Variants in ZNF362 observed in about 807,000 individuals in gnomAD.
ZNF362 encodes the protein rotund homolog.
ZNF362 carries 11 observed loss-of-function variants against 42.9 expected under a neutral mutation model. That is an observed-to-expected ratio of 0.26 (90% CI 0.16 to 0.42). The LOEUF (loss-of-function observed/expected upper bound fraction) is 0.42, where lower values mean the gene tolerates loss of function less well. Among genes scored for constraint, ZNF362 ranks in the 20% least tolerant of loss-of-function variants. The pLI, the probability that ZNF362 is intolerant of heterozygous loss-of-function variation, is 1.00. For synonymous variants in ZNF362, 255 were observed against 257.3 expected (o/e 0.99, Z 0.09); for missense variants, 362 against 576.2 (o/e 0.63, Z 3.81).
Position 33,270,491 on chromosome 1 carries a change from T to C in ZNF362, c.-84T>C. On this transcript the variant is annotated 5_prime_UTR_variant, in exon 2 of 9. Transcript: ENST00000539719. ...ATTGTTATTCCCATATACAAGGTGC[T>C]GTTGGGAACACAGAGGAAGTGACTG... 1 of 749,042 alleles carries C rather than the reference T, an allele frequency of 1.3e-6. No homozygotes were observed. The highest frequency in any genetic ancestry group is 2.4e-6 in the Non-Finnish European group (1 of 416,662). 46.4% of individuals were successfully genotyped at this position (749,042 alleles called of 1,614,324 possible). A position where few individuals can be genotyped will look rare whatever the true frequency, so the allele number is the denominator to read the frequency against.
At chr1:33,208,546 T>G in the ZNF362 span, among the ~76,000 whole-genome samples, 1 of 152,208 alleles carries the variant, frequency 6.6e-6, no homozygotes, top group Non-Finnish European at 1.5e-5. Flanking sequence ...ACGATATTGA[T>G]TTTTCCTATC....
At chr1:33,148,270 G>A in the ZNF362 span, among the ~76,000 whole-genome samples, 3 of 152,172 alleles carry the variant, frequency 2.0e-5, no homozygotes, top group Admixed American at 6.5e-5. Flanking sequence ...AGACATTCAT[G>A]TGGATGAAAA....
At chr1:33,237,441 T>C in the ZNF362 span, among the ~76,000 whole-genome samples, 4 of 152,190 alleles carry the variant, frequency 2.6e-5, no homozygotes, top group African/African-American at 2.4e-5. Flanking sequence ...TTCCCTACGC[T>C]GACCTTCTCC....
the ZNF362 span, among the ~76,000 whole-genome samples, chr1:33,233,045 G>C: frequency 2.0e-5 from 3 of 152,166 alleles, no homozygotes; most frequent in Non-Finnish European, 4.4e-5. Context: ...GCTTGTCCAG[G>C]GTCACGCACT....
chr1:33,254,830 A>C (rs935011616), upstream of ZNF362, among the ~76,000 whole-genome samples: 2 of 152,076 alleles, frequency 1.3e-5, no homozygotes, highest in African/African-American at 4.8e-5. Flanking sequence ...TACATAAATT[A>C]TTTGGAATTC....
the ZNF362 span, among the ~76,000 whole-genome samples, chr1:33,235,719 G>A: frequency 5.3e-5 from 8 of 152,282 alleles, no homozygotes; most frequent in African/African-American, 1.9e-4. Flanking sequence ...TTACTAAGAG[G>A]AAACATCAGA....
the ZNF362 span, among the ~76,000 whole-genome samples, chr1:33,156,563 C>T: frequency 6.6e-6 from 1 of 152,202 alleles, no homozygotes; most frequent in Non-Finnish European, 1.5e-5. Flanking sequence ...GGGTCCCCCT[C>T]TTGTCCCTGA....
chr1:33,245,996 A>T, the ZNF362 span, among the ~76,000 whole-genome samples: 1 of 152,100 alleles, frequency 6.6e-6, no homozygotes, highest in Non-Finnish European at 1.5e-5. Flanking sequence ...AAAGGCAAAG[A>T]TCAGAGTTAT....
the ZNF362 span, chr1:33,147,204 C>A: frequency 1.9e-6 from 3 of 1,613,740 alleles, no homozygotes; most frequent in South Asian, 2.2e-5. This position sits in a 1 kb window ranked among gnomAD's most constrained non-coding sequence, Gnocchi z 8.1. Context: ...TGATCCGCAG[C>A]GGCTGAACGT....
chr1:33,266,156 G>A lies in ZNF362; in HGVS notation c.-88-4331G>A, dbSNP rs1645863530. 6.6e-6 allele frequency among the ~76,000 whole-genome samples: 1 copy of A among 152,192 alleles called. No individual in the cohort carries two copies. The highest frequency in any genetic ancestry group is 2.1e-4 in the South Asian group (1 of 4,832). ...CAGTAGCTGTTGCCCCTCTCTGGGG[G>A]CAGGGATTATGTTTGAGAAACCTTT... On this transcript the variant is annotated intron_variant, in intron 1 of 8. Transcript: ENST00000539719. The surrounding 1 kb of genome is among the most constrained non-coding windows in gnomAD (Gnocchi z 4.3).
chr1:33,184,216 T>G, the ZNF362 span, among the ~76,000 whole-genome samples: 2 of 152,196 alleles, frequency 1.3e-5, no homozygotes, highest in Non-Finnish European at 2.9e-5. Flanking sequence ...TCAGGCACAG[T>G]AGGGCTTGCT....
the ZNF362 span, among the ~76,000 whole-genome samples, chr1:33,187,386 A>G: frequency 6.6e-6 from 1 of 152,184 alleles, no homozygotes; most frequent in African/African-American, 2.4e-5. Context: ...ACTTGCATTC[A>G]TATTAAGTTT....
At chr1:33,214,515 A>G in the ZNF362 span, among the ~76,000 whole-genome samples, 2 of 152,230 alleles carry the variant, frequency 1.3e-5, no homozygotes, top group African/African-American at 4.8e-5. Context: ...CCAGCTAAAA[A>G]TCTTCTGCAC....
chr1:33,220,184 A>G, the ZNF362 span, among the ~76,000 whole-genome samples: 1 of 151,296 alleles, frequency 6.6e-6, no homozygotes, highest in Non-Finnish European at 1.5e-5. Context: ...AGGTCACAGG[A>G]CTCTGCAGTG....
chr1:33,284,100 T>G (rs1216503968), intron 6 of ZNF362, among the ~76,000 whole-genome samples: 2 of 152,256 alleles, frequency 1.3e-5, no homozygotes, highest in Admixed American at 6.5e-5. Flanking sequence ...ATTGTGCCTA[T>G]ACAACGTGTA....
the ZNF362 span, among the ~76,000 whole-genome samples, chr1:33,209,456 TTC>T: frequency 6.6e-6 from 1 of 152,226 alleles, no homozygotes; most frequent in African/African-American, 2.4e-5. Flanking sequence ...TTAGGGAGGA[TTC>T]TCTCTTTTTC....
At chr1:33,133,438 G>A in the ZNF362 span, among the ~76,000 whole-genome samples, 3 of 152,210 alleles carry the variant, frequency 2.0e-5, no homozygotes, top group East Asian at 1.9e-4. Context: ...CCCTGTCATC[G>A]TGGACCTTGA....
At chr1:33,237,159 A>T in the ZNF362 span, among the ~76,000 whole-genome samples, 5 of 152,282 alleles carry the variant, frequency 3.3e-5, no homozygotes, top group South Asian at 6.2e-4. Context: ...AAATTTAAAA[A>T]TTTTTATTAA....
chr1:33,205,367 C>G, the ZNF362 span, among the ~76,000 whole-genome samples: 1 of 151,890 alleles, frequency 6.6e-6, no homozygotes, highest in Admixed American at 6.6e-5. Flanking sequence ...CGCCTGTGGT[C>G]CCAGATACTT....
Sources: gnomAD v4.1 joint callset for allele counts (sites outside exome capture counted in the v4.1 genomes callset) on GRCh38, gnomAD v4.1.1 for gene constraint, Gnocchi (gnomAD v3.1) non-coding constraint, MANE v1.5 for transcripts, NCBI Gene and HGNC (gene_info 2026-07-23, HGNC 2026-07-21) for gene names.